Variants in CLNK observed in about 807,000 individuals in gnomAD.
CLNK encodes the protein cytokine-dependent hematopoietic cell linker.
CLNK carries 74 observed loss-of-function variants against 68.6 expected under a neutral mutation model. That is an observed-to-expected ratio of 1.08 (90% CI 0.89 to 1.31). CLNK has a LOEUF of 1.31. Among genes scored for constraint, CLNK ranks in the 50% most tolerant of loss-of-function variants. CLNK has a pLI of 0.00. For missense variants in CLNK, 553 were observed against 515.3 expected (o/e 1.07, Z -0.71); for synonymous variants, 198 against 172.2 (o/e 1.15, Z -1.17).
intron 4 of CLNK, among the ~76,000 whole-genome samples, chr4:10,584,145 G>A (rs1720888651): frequency 6.6e-6 from 1 of 152,226 alleles, no homozygotes; most frequent in Admixed American, 6.5e-5. Context: ...CTCCCTGTGT[G>A]AACTCGTATT....
intron 2 of CLNK, among the ~76,000 whole-genome samples, chr4:10,667,258 A>C (rs1724434764): frequency 6.6e-6 from 1 of 152,212 alleles, no homozygotes. Flanking sequence ...GACTGGTAAA[A>C]TAAAGCAAAT....
At chr4:10,670,610 A>C (rs61796843) in intron 1 of CLNK, among the ~76,000 whole-genome samples, 6,165 of 152,330 alleles carry the variant, frequency 0.04, 186 homozygotes, top group Middle Eastern at 0.099. Context: ...AGCTTTGAGT[A>C]AGGCATTGGA....
chr4:10,581,934 T>C (rs1192493486), intron 4 of CLNK, among the ~76,000 whole-genome samples: 3 of 152,336 alleles, frequency 2.0e-5, no homozygotes, highest in East Asian at 1.9e-4. Flanking sequence ...CCAGAACTAC[T>C]TGAATTGGAA....
At chr4:10,719,714 G>A in the CLNK span, among the ~76,000 whole-genome samples, 5 of 152,082 alleles carry the variant, frequency 3.3e-5, no homozygotes, top group Admixed American at 2.0e-4. Context: ...ACCATCAACC[G>A]TAGCATCGAA....
chr4:10,527,972 C>A, intron 13 of CLNK, 104 bp downstream of exon 13: 1 of 565,568 alleles, frequency 1.8e-6, no homozygotes, highest in Non-Finnish European at 2.7e-6. Flanking sequence ...CCATCCCAGG[C>A]TTCCAAACAA....
chr4:10,522,392 G>A (rs1377436326), intron 14 of CLNK, among the ~76,000 whole-genome samples: 7 of 151,680 alleles, frequency 4.6e-5, no homozygotes, highest in Non-Finnish European at 7.4e-5. Flanking sequence ...TTGATAACAT[G>A]GTGAAACCCT....
At chr4:10,721,783 T>G in the CLNK span, among the ~76,000 whole-genome samples, 7 of 152,180 alleles carry the variant, frequency 4.6e-5, no homozygotes, top group Admixed American at 2.0e-4. Context: ...AGAGCTCACA[T>G]TTATTTACAC....
intron 2 of CLNK, among the ~76,000 whole-genome samples, chr4:10,610,904 C>A (rs928968269): frequency 6.8e-4 from 103 of 152,204 alleles, no homozygotes; most frequent in African/African-American, 2.2e-3. Context: ...ACATAATGAG[C>A]TGGCCATGGT....
chr4:10,571,469 G>T (rs1288981310), intron 5 of CLNK, among the ~76,000 whole-genome samples: 1 of 151,354 alleles, frequency 6.6e-6, no homozygotes, highest in Non-Finnish European at 1.5e-5. Flanking sequence ...TGAGTAGCTG[G>T]GATTACAGGC....
intron 10 of CLNK, among the ~76,000 whole-genome samples, chr4:10,541,227 A>T (rs960026198): frequency 6.6e-6 from 1 of 151,912 alleles, no homozygotes; most frequent in East Asian, 1.9e-4. Context: ...AAAAACAAAA[A>T]AAAAAAAACC....
intron 1 of CLNK, among the ~76,000 whole-genome samples, chr4:10,675,368 G>C (rs1389404629): frequency 1.3e-5 from 2 of 152,156 alleles, no homozygotes; most frequent in Admixed American, 1.3e-4. Flanking sequence ...TTTATAAATA[G>C]GCTGGATTTT....
At chr4:10,695,571 C>T in the CLNK span, among the ~76,000 whole-genome samples, 418 of 152,264 alleles carry the variant, frequency 2.7e-3, 2 homozygotes, top group African/African-American at 9.6e-3. Flanking sequence ...TGTCCTGGCC[C>T]GTCAGGGCCT....
chr4:10,644,963 A>T (rs1378896465), intron 2 of CLNK, among the ~76,000 whole-genome samples: 2 of 152,242 alleles, frequency 1.3e-5, no homozygotes, highest in African/African-American at 4.8e-5. Flanking sequence ...CTCAAGGCTT[A>T]GAAGATCCCA....
the CLNK span, among the ~76,000 whole-genome samples, chr4:10,693,029 T>C: frequency 6.6e-6 from 1 of 152,184 alleles, no homozygotes; most frequent in African/African-American, 2.4e-5. Flanking sequence ...CATGATAGGC[T>C]GGTTAGTGTA....
chr4:10,699,285 C>CACACCACGTATGT, the CLNK span, among the ~76,000 whole-genome samples: 160 of 46,154 alleles, frequency 3.5e-3, 21 homozygotes, highest in African/African-American at 0.014. Flanking sequence ...ACACCACATA[C>CACACCACGTATGT]GTGTATACAC....
intron 1 of CLNK, among the ~76,000 whole-genome samples, chr4:10,668,979 T>C (rs1349514497): frequency 6.6e-6 from 1 of 152,116 alleles, no homozygotes; most frequent in East Asian, 1.9e-4. Context: ...AGTTAGACAA[T>C]GATACCCAGG....
chr4:10,585,700 C>A (rs1720941462), intron 3 of CLNK, among the ~76,000 whole-genome samples: 1 of 152,080 alleles, frequency 6.6e-6, no homozygotes, highest in Non-Finnish European at 1.5e-5. Flanking sequence ...ACCTGTAGTC[C>A]CAACTCCTCA....
At chr4:10,648,982 T>C (rs1022937392) in intron 2 of CLNK, among the ~76,000 whole-genome samples, 2 of 152,130 alleles carry the variant, frequency 1.3e-5, no homozygotes. Flanking sequence ...TTAAATCTAT[T>C]GAGATAATGT....
At chr4:10,701,611 A>C in the CLNK span, among the ~76,000 whole-genome samples, 4 of 152,246 alleles carry the variant, frequency 2.6e-5, no homozygotes, top group African/African-American at 4.8e-5. Context: ...AATATGCAGG[A>C]ACTGATCCTA....
Sources: gnomAD v4.1 joint callset for allele counts (sites outside exome capture counted in the v4.1 genomes callset) on GRCh38, gnomAD v4.1.1 for gene constraint, MANE v1.5 for transcripts, NCBI Gene and HGNC (gene_info 2026-07-23, HGNC 2026-07-21) for gene names.